FDFT1: variants seen among roughly 807,000 people sequenced by gnomAD.
The protein encoded by FDFT1 is squalene synthase.
FDFT1 carries 68 observed loss-of-function variants against 46.8 expected under a neutral mutation model. The observed-to-expected ratio is 1.45, with a 90% CI of 1.19 to 1.78. FDFT1 has a LOEUF of 1.78. Among genes scored for constraint, FDFT1 ranks in the 40% most tolerant of loss-of-function variants. The pLI is 0.00. For synonymous variants in FDFT1, 351 were observed against 185.1 expected (o/e 1.90, Z -7.28); for missense variants, 928 against 524.4 (o/e 1.77, Z -7.52).
At chr8:11,804,600 C>CTTTTTTTTTTTTTTTTTTTTTTT (rs5889385) in intron 1 of FDFT1, among the ~76,000 whole-genome samples, 1 of 97,364 alleles carries the variant, frequency 1.0e-5, no homozygotes, top group Non-Finnish European at 1.9e-5. Context: ...CTTAGTTTCT[C>CTTTTTTTTTTTTTTTTTTTTTTT]TTTTTTTTTT....
intron 7 of FDFT1, among the ~76,000 whole-genome samples, chr8:11,836,851 C>T (rs1811608173): frequency 6.6e-6 from 1 of 152,240 alleles, no homozygotes; most frequent in African/African-American, 2.4e-5. Flanking sequence ...GCCTGACCAA[C>T]ACTGGTAAAA....
chr8:11,803,159 A>C, intron 1 of FDFT1: 1 of 1,417,998 alleles, frequency 7.1e-7, no homozygotes, highest in Non-Finnish European at 9.2e-7. Flanking sequence ...GGCATGAGCG[A>C]CTTTTGCGTG....
chr8:11,808,551 G>GC (rs1175592717), intron 1 of FDFT1: 2 of 1,365,174 alleles, frequency 1.5e-6, no homozygotes, highest in Non-Finnish European at 1.9e-6. Flanking sequence ...CAAGGCCATG[G>GC]CCCTCTTCAA....
At chr8:11,832,127 G>A (rs1457340307) in intron 7 of FDFT1, among the ~76,000 whole-genome samples, 3 of 152,086 alleles carry the variant, frequency 2.0e-5, no homozygotes, top group Admixed American at 6.5e-5. Context: ...GGGAATTTAG[G>A]CCAAGGAAAG....
chr8:11,827,568 A>T (rs1387770938), intron 5 of FDFT1, among the ~76,000 whole-genome samples: 1 of 152,082 alleles, frequency 6.6e-6, no homozygotes, highest in East Asian at 1.9e-4. Flanking sequence ...CATAGAGCAG[A>T]TACAGGGTTC....
At chr8:11,834,771 A>G (rs1404287907) in intron 7 of FDFT1, among the ~76,000 whole-genome samples, 1 of 152,214 alleles carries the variant, frequency 6.6e-6, no homozygotes, top group East Asian at 1.9e-4. Flanking sequence ...TGCTGTATGT[A>G]GCACAGCATT....
chr8:11,801,265 T>A (rs1162631953), upstream of FDFT1, among the ~76,000 whole-genome samples: 1 of 152,148 alleles, frequency 6.6e-6, no homozygotes, highest in Admixed American at 6.5e-5. Context: ...TATAGGTGCT[T>A]TGGCTTTTGT....
chr8:11,830,449 A>G (rs1256650686), intron 6 of FDFT1, 29 bp downstream of exon 6: 1 of 1,544,256 alleles, frequency 6.5e-7, no homozygotes, highest in East Asian at 2.3e-5. Context: ...CTGGGTGGAT[A>G]CGGGGCTAAA....
chr8:11,823,036 C>T (rs867444090), intron 4 of FDFT1, among the ~76,000 whole-genome samples: 4 of 152,104 alleles, frequency 2.6e-5, no homozygotes, highest in South Asian at 2.1e-4. Context: ...CTCCCCGCAG[C>T]CTCAACCTCC....
At chr8:11,796,582 A>C (rs571838196) in intron 1 of FDFT1, among the ~76,000 whole-genome samples, 1 of 152,310 alleles carries the variant, frequency 6.6e-6, no homozygotes. Context: ...TACGGTGGAA[A>C]AGGGGAAGGC....
At chr8:11,821,309 G>A (rs1476902109) in intron 3 of FDFT1, among the ~76,000 whole-genome samples, 8 of 152,170 alleles carry the variant, frequency 5.3e-5, no homozygotes, top group Non-Finnish European at 8.8e-5. Context: ...TAAGAAACAT[G>A]AGGCCGGGCT....
At chr8:11,829,841 T>C (rs1241209391) in intron 5 of FDFT1, among the ~76,000 whole-genome samples, 3 of 151,698 alleles carry the variant, frequency 2.0e-5, no homozygotes, top group Non-Finnish European at 4.4e-5. Flanking sequence ...AGTGTTTTTT[T>C]TTGTTTTGTT....
At position 11,836,284 on chromosome 8, in the gene FDFT1, G is replaced by A. The variant is rs1257646840; in HGVS notation, c.1033-2104G>A. On this transcript the variant is annotated intron_variant, in intron 7 of 7. Coordinates refer to ENST00000220584, the MANE Select transcript of FDFT1 (RefSeq NM_004462.5). ...GGCACTCAGGTCATTTACAAGAGTA[G>A]TGTGTGAGACCCTGTGTGTCACTGC... is the stretch of plus-strand genomic sequence containing the variant. Among the ~76,000 whole-genome samples, 5 of 152,212 alleles carry A rather than the reference G, an allele frequency of 3.3e-5. No individual in the cohort carries two copies. In the East Asian group the frequency reaches 7.7e-4, roughly 23 times the overall value.
chr8:11,802,403 T>G, upstream of FDFT1: 1 of 457,266 alleles, frequency 2.2e-6, no homozygotes, highest in Non-Finnish European at 4.4e-6. Flanking sequence ...CTGCGCATCC[T>G]AAGCCCCACC....
chr8:11,813,728 C>T (rs529122239), intron 3 of FDFT1, among the ~76,000 whole-genome samples: 55 of 152,320 alleles, frequency 3.6e-4, no homozygotes, highest in African/African-American at 1.3e-3. Context: ...GACCTTCCTT[C>T]TTGTACTTGG....
rs558482125 is a variant in FDFT1, at chr8:11,816,310, C to T, written c.382-5440C>T. Among the ~76,000 whole-genome samples the T allele has an allele frequency of 3.9e-5, 6 of 152,300 alleles. No individual in the cohort carries two copies. The East Asian group carries it at 5.8e-4, about 15-fold the overall frequency. ...TTGAAGTCAGGTAGCGTGATGCCTC[C>T]AGCTTTGTTCTTTTGGCTTAGGATT... On this transcript the variant is annotated intron_variant, in intron 3 of 7. Coordinates refer to ENST00000220584, the MANE Select transcript of FDFT1 (RefSeq NM_004462.5).
chr8:11,802,433 C>G (rs1265655774), upstream of FDFT1: 2 of 459,616 alleles, frequency 4.4e-6, no homozygotes, highest in Non-Finnish European at 8.7e-6. Flanking sequence ...CCAGTCCCCA[C>G]AGCGTTCGCG....
intron 7 of FDFT1, among the ~76,000 whole-genome samples, chr8:11,832,317 G>A (rs2130882994): frequency 6.6e-6 from 1 of 152,090 alleles, no homozygotes; most frequent in African/African-American, 2.4e-5. Flanking sequence ...CACTTTGGGA[G>A]ACCAAGGTGG....
intron 1 of FDFT1, among the ~76,000 whole-genome samples, chr8:11,796,326 T>C (rs180703774): frequency 6.6e-6 from 1 of 152,318 alleles, no homozygotes; most frequent in Admixed American, 6.5e-5. Flanking sequence ...CGCCAGATAC[T>C]GTGTAGGCCC....
Sources: gnomAD v4.1 joint callset for allele counts (sites outside exome capture counted in the v4.1 genomes callset) on GRCh38, gnomAD v4.1.1 for gene constraint, MANE v1.5 for transcripts, NCBI Gene and HGNC (gene_info 2026-07-23, HGNC 2026-07-21) for gene names.